The following ZHX3 variants were observed in gnomAD, a reference collection of about 807,000 sequenced individuals.
ZHX3 encodes the protein zinc fingers and homeoboxes protein 3.
ZHX3 carries 20 observed loss-of-function variants against 64.5 expected under a neutral mutation model. The observed-to-expected ratio is 0.31, with a 90% CI of 0.22 to 0.45. The LOEUF (loss-of-function observed/expected upper bound fraction) is 0.45, where lower values mean the gene tolerates loss of function less well. Ranked by LOEUF, ZHX3 falls within the 20% of genes least tolerant of loss-of-function variation. ZHX3 has a pLI of 1.00. For synonymous variants in ZHX3, 423 were observed against 461.6 expected (o/e 0.92, Z 1.07); for missense variants, 1,041 against 1,195.8 (o/e 0.87, Z 1.91).
At chr20:41,303,521 T>C (rs1158675320) in intron 1 of ZHX3, among the ~76,000 whole-genome samples, 2 of 152,228 alleles carry the variant, frequency 1.3e-5, no homozygotes, top group Non-Finnish European at 2.9e-5. Context: ...TGCTCCACTT[T>C]ACACAAAAAA....
chr20:41,223,227 T>C (rs907001553), intron 2 of ZHX3, among the ~76,000 whole-genome samples: 2 of 152,146 alleles, frequency 1.3e-5, no homozygotes, highest in Non-Finnish European at 2.9e-5. Flanking sequence ...GGAGTGAAAA[T>C]TGGTAAGACT....
intron 2 of ZHX3, among the ~76,000 whole-genome samples, chr20:41,238,968 A>G (rs1416617248): frequency 1.2e-4 from 18 of 150,990 alleles, no homozygotes; most frequent in Admixed American, 2.0e-4. Context: ...CTCTATGATG[A>G]AAACAAGGGC....
At chr20:41,263,364 A>T (rs1468663286) in intron 2 of ZHX3, among the ~76,000 whole-genome samples, 1 of 151,750 alleles carries the variant, frequency 6.6e-6, no homozygotes, top group Non-Finnish European at 1.5e-5. Flanking sequence ...ACAACTAATA[A>T]TCTTGAGAAA....
chr20:41,266,693 G>A (rs1036293807), intron 2 of ZHX3, among the ~76,000 whole-genome samples: 31 of 149,064 alleles, frequency 2.1e-4, no homozygotes, highest in South Asian at 6.4e-4. Flanking sequence ...CTACAGGCGC[G>A]CGCCACTGCG....
intron 1 of ZHX3, among the ~76,000 whole-genome samples, chr20:41,312,510 C>T (rs2045170646): frequency 6.6e-6 from 1 of 152,208 alleles, no homozygotes; most frequent in South Asian, 2.1e-4. Context: ...AGCAAGACCA[C>T]AGACCTACCA....
rs1381973883 is a variant in ZHX3, at chr20:41,196,029, T to TA, written c.2860+6027_2860+6028insT. Among the ~76,000 whole-genome samples, 64 of 151,960 alleles carry TA rather than the reference T, an allele frequency of 4.2e-4. 1 individual carries two copies. The highest frequency in any genetic ancestry group is 1.5e-3 in the African/African-American group (62 of 41,438). ...AACATACGGTTTATCCTGGAGAGTA[T>TA]TCCATGTGAATTTGAGAAGACTGTG... On this transcript the variant is annotated intron_variant, in intron 3 of 3. Coordinates refer to ENST00000683867, the MANE Select transcript of ZHX3 (RefSeq NM_001384317.1).
chr20:41,280,437 G>T (rs543231948), intron 1 of ZHX3, among the ~76,000 whole-genome samples: 1 of 152,174 alleles, frequency 6.6e-6, no homozygotes, highest in South Asian at 2.1e-4. Flanking sequence ...AACAGCAAAG[G>T]AAGCAGAAAA....
chr20:41,230,783 C>A (rs1254845117), intron 2 of ZHX3, among the ~76,000 whole-genome samples: 2 of 152,034 alleles, frequency 1.3e-5, no homozygotes, highest in African/African-American at 4.8e-5. Context: ...TACCCACTGC[C>A]CCACACATGC....
chr20:41,203,886 G>A lies in ZHX3; in HGVS notation c.1031C>T (p.Pro344Leu). ...LCYLTVVTKYPEEQLKIWFTA... is the reference protein window; with the variant it reads ...LCYLTVVTKYLEEQLKIWFTA... ...GAACCAGATCTTGAGCTGTTCTTCT[G>A]GATACTTGGTCACCACAGTCAAATA... Residue 344 changes from proline (P) to leucine (L), a missense_variant, in exon 3 of 4, where the codon CCA becomes CTA. Pro to Leu is a moderately conservative substitution (Grantham distance 98, BLOSUM62 -3). This residue lies in a region of ZHX3 where 28 missense variants were observed against 66.7 expected (regional missense o/e 0.42). Coordinates refer to ENST00000683867, the MANE Select transcript of ZHX3 (RefSeq NM_001384317.1). This position sits in a 1 kb window ranked among gnomAD's most constrained non-coding sequence, Gnocchi z 7.1. 1 of 1,614,236 alleles carries A rather than the reference G, an allele frequency of 6.2e-7. No individual in the cohort carries two copies. The highest frequency in any genetic ancestry group is 1.3e-5 in the African/African-American group (1 of 75,056).
intron 2 of ZHX3, among the ~76,000 whole-genome samples, chr20:41,261,691 C>T (rs1568913348): frequency 6.6e-6 from 1 of 152,230 alleles, no homozygotes; most frequent in African/African-American, 2.4e-5. Flanking sequence ...AACATAAAGA[C>T]TGATCTTTGC....
intron 2 of ZHX3, among the ~76,000 whole-genome samples, chr20:41,223,368 T>C (rs1231507448): frequency 6.6e-6 from 1 of 152,246 alleles, no homozygotes; most frequent in East Asian, 1.9e-4. Context: ...TAAGGTAATC[T>C]ACTATCAGCA....
chr20:41,258,998 T>TAA (rs140387774), intron 2 of ZHX3, among the ~76,000 whole-genome samples: 2 of 151,650 alleles, frequency 1.3e-5, no homozygotes, highest in African/African-American at 2.4e-5. Flanking sequence ...TTCTGCTTAT[T>TAA]AAAAAAAAAC....
chr20:41,237,291 C>T (rs1311467692), intron 2 of ZHX3, among the ~76,000 whole-genome samples: 1 of 152,188 alleles, frequency 6.6e-6, no homozygotes, highest in East Asian at 1.9e-4. Context: ...ATAAAACATG[C>T]TGCTATAAAG....
At chr20:41,192,545 CCT>C (rs1026745957) in intron 3 of ZHX3, among the ~76,000 whole-genome samples, 4 of 152,228 alleles carry the variant, frequency 2.6e-5, no homozygotes, top group African/African-American at 9.6e-5. Context: ...TGCCTCAGCC[CCT>C]GCTATGGTAG....
chr20:41,263,605 C>T (rs2042674329), intron 2 of ZHX3, among the ~76,000 whole-genome samples: 2 of 152,046 alleles, frequency 1.3e-5, no homozygotes, highest in Admixed American at 1.3e-4. Context: ...CACCATGTTG[C>T]TGAGGCTGGT....
chr20:41,196,717 A>C (rs1285011332), intron 3 of ZHX3: 3 of 189,566 alleles, frequency 1.6e-5, no homozygotes, highest in African/African-American at 7.4e-5. Flanking sequence ...GACTCTCCTA[A>C]AGCTGATCCC....
At chr20:41,199,791 C>T (rs1396458970) in intron 3 of ZHX3, among the ~76,000 whole-genome samples, 1 of 151,796 alleles carries the variant, frequency 6.6e-6, no homozygotes, top group Non-Finnish European at 1.5e-5. Context: ...ACTTCTGCCT[C>T]CCAGGTTCAA....
intron 2 of ZHX3, among the ~76,000 whole-genome samples, chr20:41,252,044 A>G (rs2042018479): frequency 6.6e-6 from 1 of 152,200 alleles, no homozygotes; most frequent in African/African-American, 2.4e-5. Context: ...TCTATTCAAG[A>G]TAACTGTATT....
At chr20:41,196,446 T>TA (rs1568796781) in intron 3 of ZHX3, among the ~76,000 whole-genome samples, 2 of 62,358 alleles carry the variant, frequency 3.2e-5, no homozygotes, top group East Asian at 9.4e-4. Flanking sequence ...ATATATATTA[T>TA]ATATAATATA....
Sources: gnomAD v4.1 joint callset for allele counts (sites outside exome capture counted in the v4.1 genomes callset) on GRCh38, gnomAD v4.1.1 for gene constraint, gnomAD v4.1.1 regional missense constraint, Gnocchi (gnomAD v3.1) non-coding constraint, MANE v1.5 for transcripts, NCBI Gene and HGNC (gene_info 2026-07-23, HGNC 2026-07-21) for gene names.